The following ERLEC1 variants were observed in gnomAD, a reference collection of about 807,000 sequenced individuals.
ERLEC1 encodes the protein ER lectin.
In ERLEC1, 47 loss-of-function variants were observed where a neutral mutation model predicts 68.0. That is an observed-to-expected ratio of 0.69 (90% CI 0.55 to 0.88). The LOEUF (loss-of-function observed/expected upper bound fraction) is 0.88, where lower values mean the gene tolerates loss of function less well. ERLEC1 is among the 40% of genes least tolerant of loss of function. ERLEC1 has a pLI of 0.00. For synonymous variants in ERLEC1, 225 were observed against 203.2 expected (o/e 1.11, Z -0.91); for missense variants, 567 against 583.8 (o/e 0.97, Z 0.30).
Position 53,801,603 on chromosome 2 carries a change from C to T in ERLEC1, c.732C>T (p.Cys244=), listed in dbSNP as rs1231760346. ...YEVVILTPLL[C]SHPKYRFRAS... ...TTGTCATTTTGACACCACTCTTGTG[C>T]AGTCATCCTAAATATAGGTAGGATG... is the stretch of plus-strand genomic sequence containing the variant. Residue 244 remains cysteine (C), a synonymous_variant, in exon 7 of 14, where the codon TGC becomes TGT. Transcript: ENST00000185150. The T allele has an allele frequency of 4.3e-6, 7 of 1,613,640 alleles. No individual in the cohort carries two copies. The highest frequency in any genetic ancestry group is 5.9e-6 in the Non-Finnish European group (7 of 1,179,634).
intron 3 of ERLEC1, among the ~76,000 whole-genome samples, chr2:53,796,294 A>T (rs1573072550): frequency 7.0e-5 from 9 of 127,762 alleles, no homozygotes; most frequent in African/African-American, 8.9e-5. Context: ...CCCATTCTTT[A>T]CCTTCAAGAA....
At chr2:53,800,770 A>G (rs537176810) in intron 6 of ERLEC1, among the ~76,000 whole-genome samples, 1 of 152,218 alleles carries the variant, frequency 6.6e-6, no homozygotes, top group African/African-American at 2.4e-5. Flanking sequence ...CCTTCATTCC[A>G]TGAAAAATTT....
chr2:53,788,070 G>A (rs1208956556), intron 1 of ERLEC1, among the ~76,000 whole-genome samples: 2 of 152,232 alleles, frequency 1.3e-5, no homozygotes, highest in Middle Eastern at 3.4e-3. Flanking sequence ...TGGGGGAGTG[G>A]ACCGCTGAAA....
rs1281885738 is a variant in ERLEC1 at position 53,818,267 on chromosome 2, A to C, written c.*298A>C. The C allele has an allele frequency of 4.6e-6, 1 of 218,766 alleles. No individual in the cohort carries two copies. The highest frequency in any genetic ancestry group is 9.1e-6 in the Non-Finnish European group (1 of 109,578). 13.6% of individuals were successfully genotyped at this position (218,766 alleles called of 1,614,324 possible). Reference sequence around the variant, plus strand: ...TCCAAGCAAGTTAGAGTCCAGCCTAATCAAATGTCATAATTGTTGTACCTA... The same window carrying C: ...TCCAAGCAAGTTAGAGTCCAGCCTACTCAAATGTCATAATTGTTGTACCTA... On this transcript the variant is annotated 3_prime_UTR_variant, in exon 14 of 14. Transcript: ENST00000185150.
chr2:53,789,211 T>G (rs1675249634), intron 1 of ERLEC1, among the ~76,000 whole-genome samples: 1 of 151,888 alleles, frequency 6.6e-6, no homozygotes, highest in African/African-American at 2.4e-5. Flanking sequence ...CTGACCAACG[T>G]GGTGAAACCC....
Position 53,801,470 on chromosome 2 carries a change from G to A in ERLEC1, c.599G>A (p.Ser200Asn), listed in dbSNP as rs1676000971. 5 of 1,613,880 alleles carry A rather than the reference G, an allele frequency of 3.1e-6. No homozygotes were observed. In the African/African-American group the frequency reaches 4.0e-5, roughly 13 times the overall value. Residue 200 changes from serine (S) to asparagine (N), a missense_variant, in exon 7 of 14, where the codon AGT (serine) becomes AAT (asparagine). Coordinates refer to ENST00000185150, the MANE Select transcript of ERLEC1 (RefSeq NM_015701.5). ...GGAATGGGAAATGGTACACCTTGTA[G>A]TTTGAAACAGAACCGGCCCAGATCA... ...PVGMGNGTPC[S>N]LKQNRPRSST...
rs202025418 is a variant in ERLEC1, at chr2:53,796,058, A to G, written c.348+45A>G. Reference sequence around the variant, plus strand: ...TTGATGACTAGAAAATAGATTACCAACAGCCAACAGACCTTTGAAAATACC... The same window carrying G: ...TTGATGACTAGAAAATAGATTACCAGCAGCCAACAGACCTTTGAAAATACC... On this transcript the variant is annotated intron_variant, in intron 3 of 13. Transcript: ENST00000185150. 3.6e-4 allele frequency: 455 copies of G among 1,258,154 alleles called. 2 individuals are homozygous for G. The highest frequency in any genetic ancestry group is 2.2e-3 in the South Asian group (167 of 74,860). 77.9% of individuals were successfully genotyped at this position (1,258,154 alleles called of 1,614,324 possible).
chr2:53,799,290 A>T (rs1465191181), intron 6 of ERLEC1, among the ~76,000 whole-genome samples: 1 of 152,206 alleles, frequency 6.6e-6, no homozygotes, highest in Non-Finnish European at 1.5e-5. Flanking sequence ...TTAAGATTAT[A>T]CAAAAATAAA....
At chr2:53,817,786 A>C (rs1417627203) in intron 13 of ERLEC1, 112 bp from the exon 14 acceptor site, 8 of 656,016 alleles carry the variant, frequency 1.2e-5, no homozygotes, top group Non-Finnish European at 1.9e-5. Context: ...TGTTTATCTA[A>C]AACAAGGACT....
At chr2:53,809,830 CGGATCA>C (rs1676494508) in intron 10 of ERLEC1, among the ~76,000 whole-genome samples, 1 of 151,916 alleles carries the variant, frequency 6.6e-6, no homozygotes, top group South Asian at 2.1e-4. Context: ...CCAAGGTGGG[CGGATCA>C]CCTGAGGTCA....
chr2:53,800,536 C>T (rs926121615), intron 6 of ERLEC1, among the ~76,000 whole-genome samples: 1 of 152,076 alleles, frequency 6.6e-6, no homozygotes, highest in Non-Finnish European at 1.5e-5. Context: ...AATCTCAAAA[C>T]ATTTTTTCCT....
At chr2:53,808,189 C>CA in intron 8 of ERLEC1, 110 bp from the exon 9 acceptor site, 1 of 1,162,730 alleles carries the variant, frequency 8.6e-7, no homozygotes, top group South Asian at 1.6e-5. Context: ...AGCAAGTGGA[C>CA]AATTTATTTT....
Position 53,810,378 on chromosome 2 carries a change from C to CT in ERLEC1, c.1101+1110dup, listed in dbSNP as rs552852690. Among the ~76,000 whole-genome samples the CT allele has an allele frequency of 3.4e-3, 521 of 152,178 alleles. 6 individuals carry two copies. The highest frequency in any genetic ancestry group is 0.012 in the African/African-American group (501 of 41,536). On this transcript the variant is annotated intron_variant, in intron 10 of 13. Coordinates refer to ENST00000185150, the MANE Select transcript of ERLEC1 (RefSeq NM_015701.5). ...GTTTAAAATAAGTTTTAAGATTATACTTTTTGAGTTCTTTTATTTATAATT... is the reference window on the plus strand; with the variant it reads ...GTTTAAAATAAGTTTTAAGATTATACTTTTTTGAGTTCTTTTATTTATAATT...
rs199891880 is a variant in ERLEC1 at position 53,789,559 on chromosome 2, CT to C, written c.162+2195del. ...TACAGGTGGTCACCATTGCATCTGG[CT>C]TTTTTTTCTTTAAGTCTGTGCTACT... On this transcript the variant is annotated intron_variant, in intron 1 of 13. Transcript: ENST00000185150. 1.0e-3 allele frequency among the ~76,000 whole-genome samples: 152 copies of C among 152,092 alleles called. No individual in the cohort carries two copies. The East Asian group carries it at 0.018, about 18-fold the overall frequency.
chr2:53,802,648 C>T (rs1484441251), intron 8 of ERLEC1, among the ~76,000 whole-genome samples: 1 of 152,218 alleles, frequency 6.6e-6, no homozygotes, highest in East Asian at 1.9e-4. Flanking sequence ...AGAATCATCA[C>T]TCGTGTAATA....
At chr2:53,788,733 TC>T (rs1675219305) in intron 1 of ERLEC1, 1 of 152,118 alleles carries the variant, frequency 6.6e-6, no homozygotes, top group African/African-American at 2.4e-5. Flanking sequence ...ACGTCAAATT[TC>T]TCTTTGTATT....
At chr2:53,790,823 G>A (rs1675353395) in intron 1 of ERLEC1, among the ~76,000 whole-genome samples, 2 of 152,092 alleles carry the variant, frequency 1.3e-5, no homozygotes, top group South Asian at 2.1e-4. Context: ...TAATAATTAT[G>A]ATATTCTTTG....
chr2:53,801,341 C>G, intron 6 of ERLEC1, 56 bp from the exon 7 acceptor site: 1 of 1,327,912 alleles, frequency 7.5e-7, no homozygotes, highest in Non-Finnish European at 1.1e-6. Flanking sequence ...CTCTCCCACC[C>G]CCAGTCCCAT....
chr2:53,810,568 G>C (rs1310862088), intron 10 of ERLEC1, among the ~76,000 whole-genome samples: 2 of 151,984 alleles, frequency 1.3e-5, no homozygotes, highest in African/African-American at 4.8e-5. Flanking sequence ...TGCTTTAAAA[G>C]GCCATTTTCG....
Sources: allele counts gnomAD v4.1 joint callset (sites outside exome capture counted in the v4.1 genomes callset), GRCh38; gene constraint gnomAD v4.1.1; transcripts MANE v1.5; gene names NCBI Gene and HGNC (gene_info 2026-07-23, HGNC 2026-07-21).